The following TMPRSS7 variants were observed in gnomAD, a reference collection of about 807,000 sequenced individuals.
The protein encoded by TMPRSS7 is transmembrane protease serine 7.
In TMPRSS7, 81 loss-of-function variants were observed where a neutral mutation model predicts 95.6. The observed-to-expected ratio is 0.85, with a 90% CI of 0.71 to 1.02. The LOEUF is 1.02. Among genes scored for constraint, TMPRSS7 ranks in the 50% least tolerant of loss-of-function variants. The pLI, the probability that TMPRSS7 is intolerant of heterozygous loss-of-function variation, is 0.00. For synonymous variants in TMPRSS7, 364 were observed against 337.8 expected (o/e 1.08, Z -0.85); for missense variants, 945 against 955.2 (o/e 0.99, Z 0.14).
At chr3:112,072,029 C>T (rs931566072) in intron 13 of TMPRSS7, among the ~76,000 whole-genome samples, 5 of 152,188 alleles carry the variant, frequency 3.3e-5, no homozygotes, top group African/African-American at 1.2e-4. Flanking sequence ...AAGAGGCGCT[C>T]TGGTTTTTAG....
intron 7 of TMPRSS7, 78 bp downstream of exon 7, chr3:112,048,045 GA>G: frequency 7.0e-7 from 1 of 1,426,276 alleles, no homozygotes; most frequent in Non-Finnish European, 9.7e-7. Flanking sequence ...GTTCCCCCTG[GA>G]TTTTTTTTTA....
At chr3:112,046,115 A>C (rs920918040) in intron 5 of TMPRSS7, among the ~76,000 whole-genome samples, 172 bp downstream of exon 5, 1 of 152,252 alleles carries the variant, frequency 6.6e-6, no homozygotes, top group Non-Finnish European at 1.5e-5. Context: ...AAATTGCTAA[A>C]TGTTGTATAT....
chr3:112,053,586 T>C (rs1347081049), intron 9 of TMPRSS7, among the ~76,000 whole-genome samples: 1 of 152,234 alleles, frequency 6.6e-6, no homozygotes, highest in Non-Finnish European at 1.5e-5. Flanking sequence ...TTGTATTCTG[T>C]TGTCTATATT....
At chr3:112,061,727 A>G (rs764979638) in intron 10 of TMPRSS7, 60 bp from the exon 11 acceptor site, 7 of 1,527,046 alleles carry the variant, frequency 4.6e-6, no homozygotes, top group Non-Finnish European at 6.2e-6. Context: ...TTCACCATGA[A>G]TGGGAATTCA....
At chr3:112,081,267 C>CT, downstream of TMPRSS7, 25 of 219,050 alleles carry the variant, frequency 1.1e-4, no homozygotes, top group East Asian at 1.9e-4. Context: ...CCTGTCTCTA[C>CT]TGAAAAAAAA....
In TMPRSS7 at chr3:112,073,692, C is replaced by A. The variant is rs147171242; in HGVS notation, c.1667-604C>A. Among the ~76,000 whole-genome samples, 532 of 152,188 alleles carry A rather than the reference C, an allele frequency of 3.5e-3. 4 individuals carry two copies. Among genetic ancestry groups the A allele is most frequent in the African/African-American group, 0.012 (500 of 41,526 alleles). The stretch of plus-strand genomic sequence containing the variant: ...AATTTTCTCCCATTCTGTAGGTTGC[C>A]TGTTCACTCTGATGGTAGTTTCTTT... On this transcript the variant is annotated intron_variant, in intron 13 of 17. Transcript: ENST00000452346.
chr3:112,073,179 C>T (rs1381143392), intron 13 of TMPRSS7, among the ~76,000 whole-genome samples: 2 of 151,606 alleles, frequency 1.3e-5, no homozygotes, highest in Non-Finnish European at 2.9e-5. Context: ...GCAACTTCCA[C>T]CTCCCGGGTT....
exon 10 of TMPRSS7, chr3:112,057,027 T>G (rs960413785): frequency 5.6e-6 from 9 of 1,597,006 alleles, no homozygotes; most frequent in Non-Finnish European, 6.8e-6. Flanking sequence ...TTTCACAGAC[T>G]TCTCTATCAA....
chr3:112,068,746 T>C (rs2073606598), intron 13 of TMPRSS7, among the ~76,000 whole-genome samples: 2 of 152,332 alleles, frequency 1.3e-5, no homozygotes, highest in Admixed American at 1.3e-4. Flanking sequence ...GTTTTCTAAA[T>C]ATACAATCAT....
chr3:112,068,150 T>C (rs751062853), intron 13 of TMPRSS7, among the ~76,000 whole-genome samples: 5 of 152,222 alleles, frequency 3.3e-5, no homozygotes, highest in Non-Finnish European at 7.3e-5. Flanking sequence ...TGTGGTGTTA[T>C]TTCTGAGGTC....
At chr3:112,041,136 C>A (rs1410693348) in intron 2 of TMPRSS7, among the ~76,000 whole-genome samples, 7 of 150,742 alleles carry the variant, frequency 4.6e-5, no homozygotes, top group African/African-American at 1.7e-4. Flanking sequence ...AACCAAAAAC[C>A]AAAAAACAAC....
chr3:112,079,338 C>T (rs7621597), intron 17 of TMPRSS7, among the ~76,000 whole-genome samples: 1,812 of 152,238 alleles, frequency 0.012, 44 homozygotes, highest in East Asian at 0.065. Context: ...TTGGAAGTCA[C>T]CTTTGGGGTG....
At chr3:112,075,410 T>A (rs2073699885) in exon 15 of TMPRSS7, 6 of 1,553,144 alleles carry the variant, frequency 3.9e-6, no homozygotes, top group Non-Finnish European at 5.2e-6. Context: ...CAGCCTCCAC[T>A]TTGTTGGATC....
intron 12 of TMPRSS7, 147 bp downstream of exon 12, chr3:112,063,779 C>A: frequency 1.5e-6 from 1 of 689,558 alleles, no homozygotes; most frequent in Non-Finnish European, 2.5e-6. Context: ...CTTAAACAAT[C>A]ATTTATTCTT....
chr3:112,057,044 G>T, exon 10 of TMPRSS7: 1 of 1,610,170 alleles, frequency 6.2e-7, no homozygotes, highest in East Asian at 2.2e-5. Flanking sequence ...TCAACTCTTG[G>T]CATAGCACTG....
chr3:112,072,672 C>T (rs1441808311), intron 13 of TMPRSS7, among the ~76,000 whole-genome samples: 3 of 152,254 alleles, frequency 2.0e-5, no homozygotes, highest in Non-Finnish European at 4.4e-5. Context: ...CAAGCCTCAG[C>T]AATGGCGGAC....
chr3:112,044,930 T>A (rs755386444), intron 4 of TMPRSS7, among the ~76,000 whole-genome samples: 6 of 152,326 alleles, frequency 3.9e-5, no homozygotes, highest in African/African-American at 1.4e-4. Context: ...GCAGTATTTA[T>A]GTCATTAGGA....
chr3:112,075,509 C>T lies in TMPRSS7; in HGVS notation c.1955+17C>T. ...TGGAAACAGGTAGGGCCTCACGGTC[C>T]TTACTTTCAAGTGGCACTCTGTGGC... On this transcript the variant is annotated intron_variant, in intron 15 of 17. Transcript: ENST00000452346. 7.1e-7 allele frequency: 1 copy of T among 1,412,070 alleles called. No individual in the cohort carries two copies. Among genetic ancestry groups the T allele is most frequent in the Non-Finnish European group, 9.3e-7 (1 of 1,075,248 alleles). The allele number at this position is 1,412,070 out of a possible 1,614,324, so 87.5% of individuals were successfully genotyped here.
rs115043070 is a variant in TMPRSS7 at position 112,062,961 on chromosome 3, G to A, written c.1448-564G>A. On this transcript the variant is annotated intron_variant, in intron 11 of 17. Coordinates refer to ENST00000452346, the Ensembl canonical transcript of TMPRSS7. The stretch of plus-strand genomic sequence containing the variant: ...TGAAGAGGAAAGACTAGTGGACAGG[G>A]AGGTAAGGGGCAGGAGTCTGGGTTC... 3.4e-3 allele frequency among the ~76,000 whole-genome samples: 523 copies of A among 152,324 alleles called. 4 individuals are homozygous for A. Among genetic ancestry groups the A allele is most frequent in the African/African-American group, 0.012 (501 of 41,578 alleles).
Sources: allele counts gnomAD v4.1 joint callset (sites outside exome capture counted in the v4.1 genomes callset), GRCh38; gene constraint gnomAD v4.1.1; transcripts MANE v1.5; gene names NCBI Gene and HGNC (gene_info 2026-07-23, HGNC 2026-07-21).